The following VWA2 variants were observed in gnomAD, a reference collection of about 807,000 sequenced individuals.
VWA2 encodes the protein von Willebrand factor A domain containing 2.
Under a neutral mutation model 70.4 loss-of-function variants are expected in VWA2, and 73 were observed. The ratio of observed to expected loss-of-function variants is 1.04; its 90% CI spans 0.86 to 1.26. The LOEUF is 1.26. VWA2 is among the 50% of genes most tolerant of loss of function. VWA2 has a pLI of 0.00. For synonymous variants in VWA2, 407 were observed against 423.3 expected (o/e 0.96, Z 0.47); for missense variants, 1,011 against 998.5 (o/e 1.01, Z -0.17).
chr10:114,291,308 T>C lies in VWA2; in HGVS notation c.*71T>C. ...GCAACTACAGAGAAGGCCTGGGCAC[T>C]GAAATGGTGCCTACCTTCTGGAATG... On this transcript the variant is annotated 3_prime_UTR_variant, in exon 14 of 14. Transcript: ENST00000392982. 1 of 1,480,006 alleles carries C rather than the reference T, an allele frequency of 6.8e-7. No homozygotes were observed. Among genetic ancestry groups the C allele is most frequent in the Non-Finnish European group, 9.1e-7 (1 of 1,103,570 alleles). The allele number at this position is 1,480,006 out of a possible 1,614,324, so 91.7% of individuals were successfully genotyped here.
chr10:114,248,942 C>T (rs1453891494), intron 2 of VWA2, among the ~76,000 whole-genome samples, 177 bp downstream of exon 2: 1 of 152,126 alleles, frequency 6.6e-6, no homozygotes, highest in Non-Finnish European at 1.5e-5. Context: ...CTGCAGTAGC[C>T]TCCTGCCTGG....
chr10:114,248,663 C>G, intron 1 of VWA2, 41 bp from the exon 2 acceptor site: 1 of 1,570,442 alleles, frequency 6.4e-7, no homozygotes. Flanking sequence ...GTTCACAGAA[C>G]TAATTGCTGA....
At chr10:114,266,331 A>G (rs995003844) in intron 5 of VWA2, among the ~76,000 whole-genome samples, 2 of 151,968 alleles carry the variant, frequency 1.3e-5, no homozygotes, top group African/African-American at 2.4e-5. Flanking sequence ...GTAGGTACGT[A>G]GTAGGTATAT....
At chr10:114,247,930 A>T (rs973760939) in intron 1 of VWA2, among the ~76,000 whole-genome samples, 22 of 151,638 alleles carry the variant, frequency 1.5e-4, no homozygotes, top group African/African-American at 4.1e-4. Context: ...GTTTTTTTTT[A>T]AAAAAACTTC....
chr10:114,280,350 A>G (rs1373683099), intron 8 of VWA2, among the ~76,000 whole-genome samples: 1 of 152,226 alleles, frequency 6.6e-6, no homozygotes, highest in Non-Finnish European at 1.5e-5. Flanking sequence ...GGAGGCAGTC[A>G]TTCCAAAATG....
In VWA2 at chr10:114,292,719, T is replaced by A. The variant is rs975449137; in HGVS notation, c.*1482T>A. Among the ~76,000 whole-genome samples the A allele has an allele frequency of 7.2e-5, 11 of 152,016 alleles. No homozygotes were observed. Among genetic ancestry groups the A allele is most frequent in the Non-Finnish European group, 4.4e-5 (3 of 68,030 alleles). On this transcript the variant is annotated 3_prime_UTR_variant, in exon 14 of 14. Coordinates refer to ENST00000392982, the MANE Select transcript of VWA2 (RefSeq NM_001272046.2). ...CCAGACACTTTATCGTTTTTCTTTT[T>A]TTTGAGACGGAGTTTTGCTCTTGTT... is the stretch of plus-strand genomic sequence containing the variant.
At chr10:114,245,141 G>A (rs2037043364) in intron 1 of VWA2, among the ~76,000 whole-genome samples, 1 of 152,184 alleles carries the variant, frequency 6.6e-6, no homozygotes, top group Non-Finnish European at 1.5e-5. Context: ...GCTAGGAGAA[G>A]GCATTTGACA....
In VWA2 at chr10:114,251,833, T is replaced by G. The variant is rs537066014; in HGVS notation, c.53-1818T>G. ...AGAAAACCTGTAATTTTTTTTTTTT[T>G]TTTTTTTTGAGATTCAGTCTCCCTC... is the stretch of plus-strand genomic sequence containing the variant. On this transcript the variant is annotated intron_variant, in intron 2 of 13. Transcript: ENST00000392982. 6.0e-5 allele frequency among the ~76,000 whole-genome samples: 9 copies of G among 150,702 alleles called. No homozygotes were observed. The South Asian group carries it at 1.9e-3, about 32-fold the overall frequency.
In VWA2 at chr10:114,272,855, CA is replaced by C. The variant is rs556941534; in HGVS notation, c.488del (p.Gln163ArgfsTer11). 6.3e-5 allele frequency: 101 copies of C among 1,614,008 alleles called. 2 individuals are homozygous for C. In the South Asian group the frequency reaches 9.6e-4, roughly 15 times the overall value. On this transcript the variant is annotated frameshift_variant, in exon 6 of 14. Transcript: ENST00000392982. LOFTEE classifies it high-confidence loss of function. ...CATCATCGTCACTGATGGGAAGTCCCAGGGGGATGTGGCACTGCCATCCAAG... is the reference window on the plus strand; with the variant it reads ...CATCATCGTCACTGATGGGAAGTCCCGGGGGATGTGGCACTGCCATCCAAG... ...ILIIVTDGKS[Q>X]GDVALPSKQL...
rs1314267455 is a variant in VWA2 at position 114,292,401 on chromosome 10, AACTT to A, written c.*1167_*1170del. ...TAAACTCAAAAATATAGGATAAAGA[AACTT>A]ACAGAGATTTTGCTTTTTAAAGCAT... On this transcript the variant is annotated 3_prime_UTR_variant, in exon 14 of 14. Transcript: ENST00000392982. Among the ~76,000 whole-genome samples, 2 of 152,068 alleles carry A rather than the reference AACTT, an allele frequency of 1.3e-5. No homozygotes were observed. The highest frequency in any genetic ancestry group is 4.8e-5 in the African/African-American group (2 of 41,402).
intron 7 of VWA2, 53 bp from the exon 8 acceptor site, chr10:114,278,666 A>T: frequency 6.2e-7 from 1 of 1,601,818 alleles, no homozygotes; most frequent in Non-Finnish European, 8.5e-7. Context: ...GTGTGGCAGG[A>T]GGAGGTGGAA....
At chr10:114,249,621 A>G (rs2037152116) in intron 2 of VWA2, among the ~76,000 whole-genome samples, 1 of 148,596 alleles carries the variant, frequency 6.7e-6, no homozygotes. Flanking sequence ...TAGTTTGCTG[A>G]GGAGAATGGC....
intron 2 of VWA2, among the ~76,000 whole-genome samples, chr10:114,252,975 T>C (rs978615933): frequency 3.3e-5 from 5 of 151,864 alleles, no homozygotes; most frequent in Non-Finnish European, 7.4e-5. Flanking sequence ...TTGTTTCCTC[T>C]GTGCTGTCAC....
At chr10:114,287,523 A>C (rs2039053116) in intron 11 of VWA2, among the ~76,000 whole-genome samples, 1 of 151,968 alleles carries the variant, frequency 6.6e-6, no homozygotes, top group South Asian at 2.1e-4. Context: ...TGGGCATGGG[A>C]AGCTACAGAT....
In VWA2 at chr10:114,292,305, G is replaced by T. The variant is rs1253497257; in HGVS notation, c.*1068G>T. Among the ~76,000 whole-genome samples, 3 of 151,842 alleles carry T rather than the reference G, an allele frequency of 2.0e-5. No homozygotes were observed. The highest frequency in any genetic ancestry group is 7.3e-5 in the African/African-American group (3 of 41,316). On this transcript the variant is annotated 3_prime_UTR_variant, in exon 14 of 14. Coordinates refer to ENST00000392982, the MANE Select transcript of VWA2 (RefSeq NM_001272046.2). ...AAAGAAAAAAATGTACTTAGGAGGG[G>T]TTAATTGTGGCGTGTTTATGGAATT...
At chr10:114,275,075 ATTGAAAT>A (rs905424119) in intron 6 of VWA2, among the ~76,000 whole-genome samples, 17 of 151,972 alleles carry the variant, frequency 1.1e-4, no homozygotes, top group African/African-American at 4.1e-4. Context: ...AGGCATGGAG[ATTGAAAT>A]TTGAGGTGGT....
rs74643258 is a variant in VWA2 at position 114,285,443 on chromosome 10, C to G, written c.997+473C>G. Among the ~76,000 whole-genome samples, 4 of 152,304 alleles carry G rather than the reference C, an allele frequency of 2.6e-5. No homozygotes were observed. The South Asian group carries it at 8.3e-4, about 32-fold the overall frequency. On this transcript the variant is annotated intron_variant, in intron 10 of 13. Transcript: ENST00000392982. ...GCAAAGTGCTTAGTACCATGCTTGA[C>G]GCATATAAGGGCTTGATGAATAATA...
At position 114,291,458 on chromosome 10, in the gene VWA2, C is replaced by T. The variant is rs1249191539; in HGVS notation, c.*221C>T. ...GAGACAAGAAAGCAGCTGATGTCAC[C>T]CACAAACGATGTTGTTGAAAAGTTT... On this transcript the variant is annotated 3_prime_UTR_variant, in exon 14 of 14. Transcript: ENST00000392982. 5 of 548,050 alleles carry T rather than the reference C, an allele frequency of 9.1e-6. No individual in the cohort carries two copies. In the African/African-American group the frequency reaches 9.8e-5, roughly 11 times the overall value. 33.9% of individuals were successfully genotyped at this position (548,050 alleles called of 1,614,324 possible). A position where few individuals can be genotyped will look rare whatever the true frequency, so the allele number is the denominator to read the frequency against.
At position 114,283,414 on chromosome 10, in the gene VWA2, T is replaced by G. The variant is rs530069569; in HGVS notation, c.889+843T>G. Among the ~76,000 whole-genome samples the G allele has an allele frequency of 4.6e-5, 7 of 151,792 alleles. No individual in the cohort carries two copies. In the East Asian group the frequency reaches 1.4e-3, roughly 29 times the overall value. On this transcript the variant is annotated intron_variant, in intron 9 of 13. Coordinates refer to ENST00000392982, the MANE Select transcript of VWA2 (RefSeq NM_001272046.2). ...TTAGACACACAGGCAGGGTAGCGAGTGTCCCTATTTGGGGTTAGGTGATCC... is the reference window on the plus strand; with the variant it reads ...TTAGACACACAGGCAGGGTAGCGAGGGTCCCTATTTGGGGTTAGGTGATCC...
Sources: allele counts gnomAD v4.1 joint callset (sites outside exome capture counted in the v4.1 genomes callset), GRCh38; gene constraint gnomAD v4.1.1; transcripts MANE v1.5; gene names NCBI Gene and HGNC (gene_info 2026-07-23, HGNC 2026-07-21).